The following TRMT11 variants were observed in gnomAD, a reference collection of about 807,000 sequenced individuals.
TRMT11 encodes tRNA methyltransferase 11, also known as tRNA (guanine(10)-N(2))-methyltransferase TRMT11.
Under a neutral mutation model 62.8 loss-of-function variants are expected in TRMT11, and 53 were observed. That is an observed-to-expected ratio of 0.84 (90% confidence interval 0.68 to 1.06). The LOEUF (loss-of-function observed/expected upper bound fraction) is 1.06, where lower values mean the gene tolerates loss of function less well. Ranked by LOEUF, TRMT11 falls within the 50% of genes least tolerant of loss-of-function variation. The pLI is 0.00. For missense variants in TRMT11, 556 were observed against 553.4 expected (o/e 1.00, Z -0.05); for synonymous variants, 188 against 190.3 (o/e 0.99, Z 0.10).
In TRMT11 at chr6:126,036,422, C is replaced by T. The variant is rs138960310; in HGVS notation, c.1261-2283C>T. On this transcript the variant is annotated intron_variant, in intron 12 of 12. Transcript: ENST00000334379. ...TGGAGGCAGGGCAGCTGGCCATTTA[C>T]GGAAAAGAGGCGGGGATGAGGGAGG... Among the ~76,000 whole-genome samples the T allele has an allele frequency of 7.7e-3, 1,175 of 152,074 alleles. 15 individuals are homozygous for T. The highest frequency in any genetic ancestry group is 0.022 in the South Asian group (104 of 4,822).
chr6:126,166,024 C>A (rs1778257515), intron 21 of TRMT11, among the ~76,000 whole-genome samples: 1 of 152,090 alleles, frequency 6.6e-6, no homozygotes, highest in South Asian at 2.1e-4. Context: ...TGCTTTATTT[C>A]ATTAAGTTCA....
chr6:126,076,787 GT>G (rs902914796), intron 17 of TRMT11, among the ~76,000 whole-genome samples: 24 of 152,076 alleles, frequency 1.6e-4, no homozygotes, highest in Non-Finnish European at 3.1e-4. Context: ...CCATTGAAGA[GT>G]TTTTTTAATT....
intron 17 of TRMT11, among the ~76,000 whole-genome samples, chr6:126,097,955 GAT>G (rs1228651892): frequency 6.6e-6 from 1 of 152,088 alleles, no homozygotes; most frequent in Non-Finnish European, 1.5e-5. Flanking sequence ...TGCTGGGTAG[GAT>G]AATTTCCCTG....
At position 126,011,436 on chromosome 6, in the gene TRMT11, A is replaced by G. The variant is rs143034583; in HGVS notation, c.925+19A>G. The G allele has an allele frequency of 1.8e-5, 29 of 1,599,050 alleles. No individual in the cohort carries two copies. The African/African-American group carries it at 3.5e-4, about 19-fold the overall frequency. On this transcript the variant is annotated intron_variant, in intron 9 of 12. Coordinates refer to ENST00000334379, the MANE Select transcript of TRMT11 (RefSeq NM_001031712.3). ...ACTGATCGTAAGTTTATTTTTATAC[A>G]AAAGTAGGAGTAGGATTCGTTTTGT...
At chr6:126,166,503 G>C (rs1376944880) in intron 21 of TRMT11, among the ~76,000 whole-genome samples, 1 of 152,146 alleles carries the variant, frequency 6.6e-6, no homozygotes, top group Non-Finnish European at 1.5e-5. Context: ...TCCTTCCTCT[G>C]GAAGCTTCGT....
chr6:126,146,848 C>T (rs916838384), intron 21 of TRMT11, among the ~76,000 whole-genome samples: 1 of 151,882 alleles, frequency 6.6e-6, no homozygotes, highest in Admixed American at 6.6e-5. Context: ...CTTAAGTTCT[C>T]CATAAGTAGT....
intron 21 of TRMT11, among the ~76,000 whole-genome samples, chr6:126,163,410 A>G (rs2128230085): frequency 6.6e-6 from 1 of 152,286 alleles, no homozygotes; most frequent in East Asian, 1.9e-4. Flanking sequence ...AGCCGACTTG[A>G]TCATGGTGGA....
chr6:126,101,363 TA>T (rs1462201903), intron 17 of TRMT11, among the ~76,000 whole-genome samples: 1 of 152,242 alleles, frequency 6.6e-6, no homozygotes. Flanking sequence ...AAGCTAATAG[TA>T]ATACTATTCT....
At chr6:126,210,063 A>C in the TRMT11 span, among the ~76,000 whole-genome samples, 1 of 152,226 alleles carries the variant, frequency 6.6e-6, no homozygotes, top group Admixed American at 6.5e-5. Context: ...TCTTTAGTGC[A>C]GATGGAACTT....
At chr6:126,100,646 A>G (rs1777388147) in intron 17 of TRMT11, among the ~76,000 whole-genome samples, 1 of 152,214 alleles carries the variant, frequency 6.6e-6, no homozygotes, top group African/African-American at 2.4e-5. Context: ...AACTTGTGCT[A>G]TACAACAGCA....
chr6:126,009,956 T>C (rs1793933862), intron 8 of TRMT11, among the ~76,000 whole-genome samples: 1 of 152,046 alleles, frequency 6.6e-6, no homozygotes, highest in Non-Finnish European at 1.5e-5. Context: ...AGGTATACCC[T>C]CTGTTTCCTG....
intron 7 of TRMT11, among the ~76,000 whole-genome samples, chr6:126,006,181 A>AGT (rs1793316817): frequency 6.6e-6 from 1 of 151,908 alleles, no homozygotes; most frequent in South Asian, 2.1e-4. Context: ...GTCTAGTAGG[A>AGT]GTCCCATTGT....
chr6:126,013,036 C>G lies in TRMT11; in HGVS notation c.1074C>G (p.Asn358Lys), dbSNP rs1356492987. The change falls in exon 11 of 13, where the codon AAC becomes AAG. Residue 358 changes from asparagine to lysine, a missense_variant. Asn to Lys is a moderately conservative substitution (Grantham distance 94). Transcript: ENST00000334379. ...HLSDMFLDLLNFAAETLVLGG... is the reference protein window; with the variant it reads ...HLSDMFLDLLKFAAETLVLGG... ...GTGATATGTTTCTTGACCTGTTAAACTTCGCAGCTGAGACCCTCGTTTTAG... is the reference window on the plus strand; with the variant it reads ...GTGATATGTTTCTTGACCTGTTAAAGTTCGCAGCTGAGACCCTCGTTTTAG... 5 of 1,613,806 alleles carry G rather than the reference C, an allele frequency of 3.1e-6. No homozygotes were observed. Among genetic ancestry groups the G allele is most frequent in the Non-Finnish European group, 3.4e-6 (4 of 1,179,938 alleles).
intron 21 of TRMT11, among the ~76,000 whole-genome samples, chr6:126,151,766 C>CTCTCTGTCTTTT (rs1364862153): frequency 4.3e-4 from 63 of 145,162 alleles, no homozygotes; most frequent in African/African-American, 1.6e-3. Flanking sequence ...TCCTTCCTTC[C>CTCTCTGTCTTTT]CTTCCTTTCA....
intron 3 of TRMT11, 51 bp downstream of exon 3, chr6:125,996,091 C>A (rs758831812): frequency 7.9e-7 from 1 of 1,258,892 alleles, no homozygotes; most frequent in South Asian, 1.2e-5. Context: ...CTTCTCATAA[C>A]CACTCAATCC....
chr6:126,237,644 GC>G, the TRMT11 span, among the ~76,000 whole-genome samples: 2 of 152,122 alleles, frequency 1.3e-5, no homozygotes, highest in Non-Finnish European at 2.9e-5. Context: ...TCATGGCACA[GC>G]ACTCCAGCCT....
chr6:126,073,449 A>G (rs1414857029), intron 17 of TRMT11, among the ~76,000 whole-genome samples: 1 of 152,104 alleles, frequency 6.6e-6, no homozygotes, highest in African/African-American at 2.4e-5. Context: ...GTGTCAGGGA[A>G]AATTACTTTT....
chr6:126,092,588 C>T (rs992612357), intron 17 of TRMT11, among the ~76,000 whole-genome samples: 2 of 151,940 alleles, frequency 1.3e-5, no homozygotes, highest in Non-Finnish European at 2.9e-5. Context: ...ACAGCCAAAC[C>T]GTATCATCTG....
At chr6:126,082,740 A>C (rs967177582) in intron 17 of TRMT11, among the ~76,000 whole-genome samples, 10 of 152,098 alleles carry the variant, frequency 6.6e-5, no homozygotes, top group African/African-American at 2.2e-4. Context: ...GCCATTTTGG[A>C]ATTTTATGTC....
Sources: gnomAD v4.1 joint callset for allele counts (sites outside exome capture counted in the v4.1 genomes callset) on GRCh38, gnomAD v4.1.1 for gene constraint, MANE v1.5 for transcripts, NCBI Gene and HGNC (gene_info 2026-07-23, HGNC 2026-07-21) for gene names.